Variants in RABIF observed in about 807,000 individuals in gnomAD.
The protein encoded by RABIF is RAB interacting factor, also known as guanine nucleotide exchange factor MSS4.
Under a neutral mutation model 12.3 loss-of-function variants are expected in RABIF, and 13 were observed. The ratio of observed to expected loss-of-function variants is 1.06; its 90% CI spans 0.69 to 1.68. The LOEUF is 1.68. Among genes scored for constraint, RABIF ranks in the 40% most tolerant of loss-of-function variants. The pLI, the probability that RABIF is intolerant of heterozygous loss-of-function variation, is 0.00. For missense variants in RABIF, 153 were observed against 158.0 expected (o/e 0.97, Z 0.17); for synonymous variants, 70 against 63.3 (o/e 1.11, Z -0.50).
chr1:202,888,853 T>A, intron 1 of RABIF, 120 bp downstream of exon 1: 1 of 1,379,634 alleles, frequency 7.2e-7, no homozygotes, highest in Non-Finnish European at 9.5e-7. Flanking sequence ...GGGGCGGGGC[T>A]TAAGGCCGCG....
chr1:202,888,391 G>C (rs965256278), intron 1 of RABIF, among the ~76,000 whole-genome samples: 1 of 152,210 alleles, frequency 6.6e-6, no homozygotes, highest in African/African-American at 2.4e-5. Context: ...CAGGCTTCCA[G>C]TGCCTCGGTA....
intron 1 of RABIF, among the ~76,000 whole-genome samples, chr1:202,888,345 C>T (rs1197400419): frequency 6.6e-6 from 1 of 152,158 alleles, no homozygotes; most frequent in Non-Finnish European, 1.5e-5. Context: ...CGTCAGGGAT[C>T]TACTGCACTT....
chr1:202,886,877 G>A (rs1222316716), intron 1 of RABIF, among the ~76,000 whole-genome samples: 1 of 151,790 alleles, frequency 6.6e-6, no homozygotes, highest in Non-Finnish European at 1.5e-5. Context: ...GGGATTACAG[G>A]TGCCCACCAA....
At chr1:202,887,308 C>T (rs993379166) in intron 1 of RABIF, among the ~76,000 whole-genome samples, 2 of 151,930 alleles carry the variant, frequency 1.3e-5, no homozygotes, top group African/African-American at 2.4e-5. Context: ...CGGCCCAACA[C>T]AAATTCGGAA....
Position 202,889,110 on chromosome 1 carries a change from C to T in RABIF, c.-12G>A. 6.3e-7 allele frequency: 1 copy of T among 1,599,944 alleles called. No individual in the cohort carries two copies. Among genetic ancestry groups the T allele is most frequent in the East Asian group, 2.3e-5 (1 of 44,040 alleles). On this transcript the variant is annotated 5_prime_UTR_variant, in exon 1 of 2. Coordinates refer to ENST00000367262, the MANE Select transcript of RABIF (RefSeq NM_002871.5). ...TCCGCTGGTTCCATCGCCGCTGCCGCCACAGGCTCCTCAGCCACGGCTGCG... is the reference window on the plus strand; with the variant it reads ...TCCGCTGGTTCCATCGCCGCTGCCGTCACAGGCTCCTCAGCCACGGCTGCG...
rs1475102684 is a variant in RABIF at position 202,878,862 on chromosome 1, T to C, written c.*2116A>G. 3.9e-5 allele frequency: 6 copies of C among 152,232 alleles called. No homozygotes were observed. The allele number at this position is 152,232 out of a possible 1,614,324, so 9.4% of individuals were successfully genotyped here. ...ATTTTATAGCTGACTAGATAATCAG[T>C]TGGTTGACCTTAAGCTAAACCCCAA... On this transcript the variant is annotated 3_prime_UTR_variant, in exon 2 of 2. Transcript: ENST00000367262.
chr1:202,881,179 G>A lies in RABIF; in HGVS notation c.171C>T (p.Gly57=). The change falls in exon 2 of 2, where the codon GGC becomes GGT. Residue 57 remains glycine (G), a synonymous_variant. Transcript: ENST00000367262. ...GGAGGAGATCGCCGTCAGGATTGCT[G>A]CCGTCAGACAGAGCTGGCTTCTTTC... The part of the protein sequence containing the change: ...SMRKKPALSD[G]SNPDGDLLQE... 2 of 1,614,172 alleles carry A rather than the reference G, an allele frequency of 1.2e-6. No homozygotes were observed.
At chr1:202,885,404 G>A (rs1659546935) in intron 1 of RABIF, among the ~76,000 whole-genome samples, 2 of 152,196 alleles carry the variant, frequency 1.3e-5, no homozygotes, top group East Asian at 1.9e-4. Context: ...TGGGTGGAGC[G>A]AGAGAGAAAG....
chr1:202,889,014 G>C lies in RABIF; in HGVS notation c.85C>G (p.Arg29Gly). The C allele has an allele frequency of 6.3e-7, 1 of 1,599,028 alleles. No individual in the cohort carries two copies. The highest frequency in any genetic ancestry group is 8.5e-7 in the Non-Finnish European group (1 of 1,173,526). ...KAVLCQRCGS[R>G]VLQPGTALFS... ...AGAGCGGTCCCTGGCTGCAGCACCCGGGAGCCGCAACGCTGGCACAGCACC... is the reference window on the plus strand; with the variant it reads ...AGAGCGGTCCCTGGCTGCAGCACCCCGGAGCCGCAACGCTGGCACAGCACC... Residue 29 changes from arginine to glycine, a missense_variant, in exon 1 of 2, where the codon CGG (arginine) becomes GGG (glycine). This residue lies in a region of RABIF where 113 missense variants were observed against 90.9 expected (regional missense o/e 1.24). Transcript: ENST00000367262.
At chr1:202,883,817 G>T (rs1659523749) in intron 1 of RABIF, among the ~76,000 whole-genome samples, 1 of 152,128 alleles carries the variant, frequency 6.6e-6, no homozygotes, top group Admixed American at 6.6e-5. Context: ...GGTCCTGTTT[G>T]CTCTATTCCT....
intron 1 of RABIF, among the ~76,000 whole-genome samples, chr1:202,886,732 TTTTTTC>T (rs1306198370): frequency 1.7e-5 from 1 of 57,602 alleles, no homozygotes; most frequent in Admixed American, 2.2e-4. Flanking sequence ...GCGTCTATGT[TTTTTTC>T]TTTTTTCTTT....
Position 202,879,544 on chromosome 1 carries a change from G to A in RABIF, c.*1434C>T, listed in dbSNP as rs2102394552. ...CTGCACATGCCATAACGATGGACAT[G>A]TGACCGTTTGTCGGAAAAACACAGT... On this transcript the variant is annotated 3_prime_UTR_variant, in exon 2 of 2. Coordinates refer to ENST00000367262, the MANE Select transcript of RABIF (RefSeq NM_002871.5). 6.6e-6 allele frequency: 1 copy of A among 152,332 alleles called. No homozygotes were observed. The highest frequency in any genetic ancestry group is 2.4e-5 in the African/African-American group (1 of 41,572). 9.4% of individuals were successfully genotyped at this position (152,332 alleles called of 1,614,324 possible).
chr1:202,888,853 T>C, intron 1 of RABIF, 120 bp downstream of exon 1: 2 of 1,379,634 alleles, frequency 1.4e-6, no homozygotes, highest in Middle Eastern at 2.4e-4. Flanking sequence ...GGGGCGGGGC[T>C]TAAGGCCGCG....
At position 202,879,204 on chromosome 1, in the gene RABIF, G is replaced by T; in HGVS notation, c.*1774C>A. 1 of 152,110 alleles carries T rather than the reference G, an allele frequency of 6.6e-6. No homozygotes were observed. Among genetic ancestry groups the T allele is most frequent in the East Asian group, 1.9e-4 (1 of 5,198 alleles). 9.4% of individuals were successfully genotyped at this position (152,110 alleles called of 1,614,324 possible). ...TACTGTTGTTGTTTGTTTGAGACAG[G>T]GTCTCACTCTGTTGCCCAGGCTGGA... On this transcript the variant is annotated 3_prime_UTR_variant, in exon 2 of 2. Coordinates refer to ENST00000367262, the MANE Select transcript of RABIF (RefSeq NM_002871.5).
chr1:202,889,057 C>A lies in RABIF; in HGVS notation c.42G>T (p.Glu14Asp), dbSNP rs1659610805. 3 of 1,611,302 alleles carry A rather than the reference C, an allele frequency of 1.9e-6. No homozygotes were observed. The highest frequency in any genetic ancestry group is 2.5e-6 in the Non-Finnish European group (3 of 1,179,090). Reference protein sequence around the residue: ...AEQPSELVSAEGRNRKAVLCQ... With the variant: ...AEQPSELVSADGRNRKAVLCQ... ...ACAGCACCGCCTTCCGGTTTCGGCCCTCGGCTGACACTAACTCGCTCGGCT... is the reference window on the plus strand; with the variant it reads ...ACAGCACCGCCTTCCGGTTTCGGCCATCGGCTGACACTAACTCGCTCGGCT... The change falls in exon 1 of 2, where the codon GAG (glutamate) becomes GAT (aspartate). Residue 14 changes from glutamate to aspartate, a missense_variant. Physicochemically the swap from Glu to Asp is conservative, Grantham distance 45. Coordinates refer to ENST00000367262, the MANE Select transcript of RABIF (RefSeq NM_002871.5).
rs1380350738 is a variant in RABIF, at chr1:202,880,904, T to C, written c.*74A>G. ...AGACAAGAAGGCAGCGGAACAGTTA[T>C]ACCACATTAAAGGCCAGTTCTTGTG... On this transcript the variant is annotated 3_prime_UTR_variant, in exon 2 of 2. Transcript: ENST00000367262. The C allele has an allele frequency of 1.9e-6, 3 of 1,577,286 alleles. No homozygotes were observed. Among genetic ancestry groups the C allele is most frequent in the South Asian group, 1.2e-5 (1 of 84,654 alleles).
At chr1:202,886,535 G>A (rs916186788) in intron 1 of RABIF, among the ~76,000 whole-genome samples, 1 of 151,916 alleles carries the variant, frequency 6.6e-6, no homozygotes, top group Non-Finnish European at 1.5e-5. Flanking sequence ...GCAGTGAGCC[G>A]AGATCATGCC....
At chr1:202,882,422 GGCAAGTGTC>G (rs1213432756) in intron 1 of RABIF, among the ~76,000 whole-genome samples, 1 of 152,080 alleles carries the variant, frequency 6.6e-6, no homozygotes, top group African/African-American at 2.4e-5. Context: ...TGGGTATGGT[GGCAAGTGTC>G]CGTAGTCCCA....
At chr1:202,883,062 T>C (rs188053226) in intron 1 of RABIF, among the ~76,000 whole-genome samples, 11 of 152,312 alleles carry the variant, frequency 7.2e-5, no homozygotes, top group Admixed American at 2.6e-4. Context: ...ATTTCTTCAA[T>C]ATGGATAGTG....
Sources: allele counts gnomAD v4.1 joint callset (sites outside exome capture counted in the v4.1 genomes callset), GRCh38; gene constraint gnomAD v4.1.1; regional missense constraint gnomAD v4.1.1; transcripts MANE v1.5; gene names NCBI Gene and HGNC (gene_info 2026-07-23, HGNC 2026-07-21).